Variants in SMIM13 observed in about 807,000 individuals in gnomAD.
SMIM13 encodes the protein small integral membrane protein 13.
SMIM13 carries 3 observed loss-of-function variants against 5.9 expected under a neutral mutation model. The observed-to-expected ratio is 0.51, with a 90% CI of 0.23 to 1.31. The LOEUF is 1.31. SMIM13 is among the 40% of genes most tolerant of loss of function. The pLI is 0.18. For synonymous variants in SMIM13, 55 were observed against 46.0 expected, an observed-to-expected ratio of 1.19 and a Z score of -0.79; for missense variants, 85 against 109.9, an observed-to-expected ratio of 0.77 and a Z score of 1.01.
chr6:11,108,847 G>C (rs1356452599), intron 1 of SMIM13, among the ~76,000 whole-genome samples: 1 of 152,168 alleles, frequency 6.6e-6, no homozygotes, highest in Non-Finnish European at 1.5e-5. Context: ...CCTTCTAGTG[G>C]GTCTGGGTCT....
At chr6:11,099,562 A>G (rs1757966133) in intron 1 of SMIM13, among the ~76,000 whole-genome samples, 1 of 152,246 alleles carries the variant, frequency 6.6e-6, no homozygotes, top group African/African-American at 2.4e-5. Context: ...CTTCACTACT[A>G]TATCCCTGAC....
intron 1 of SMIM13, chr6:11,104,143 T>C: frequency 6.4e-7 from 1 of 1,551,724 alleles, no homozygotes; most frequent in South Asian, 1.2e-5. Context: ...TCAATGTTGT[T>C]GGCTATTTCC....
chr6:11,127,843 GGACACAGCCAAGCCATA>G (rs540046586), intron 1 of SMIM13, among the ~76,000 whole-genome samples: 2 of 152,266 alleles, frequency 1.3e-5, no homozygotes, highest in South Asian at 4.1e-4. Flanking sequence ...ATTTGGGTGG[GGACACAGCCAAGCCATA>G]TCACTCAGTT....
intron 1 of SMIM13, chr6:11,104,144 G>A (rs1340629132): frequency 6.5e-7 from 1 of 1,549,790 alleles, no homozygotes; most frequent in Non-Finnish European, 8.7e-7. Flanking sequence ...CAATGTTGTT[G>A]GCTATTTCCT....
chr6:11,116,818 A>G (rs1205446152), intron 1 of SMIM13, among the ~76,000 whole-genome samples: 1 of 151,816 alleles, frequency 6.6e-6, no homozygotes, highest in Non-Finnish European at 1.5e-5. Context: ...TTGCTTGTCC[A>G]TATTCTGTTT....
At chr6:11,121,311 A>G (rs747001228) in intron 1 of SMIM13, among the ~76,000 whole-genome samples, 10 of 152,196 alleles carry the variant, frequency 6.6e-5, no homozygotes, top group Non-Finnish European at 1.3e-4. Context: ...CCATAGAATA[A>G]GAGTTAAGAA....
At chr6:11,108,690 C>A (rs1402883037) in intron 1 of SMIM13, among the ~76,000 whole-genome samples, 1 of 152,216 alleles carries the variant, frequency 6.6e-6, no homozygotes, top group African/African-American at 2.4e-5. Flanking sequence ...CTTTCCTACT[C>A]CTCCTGGTTT....
At chr6:11,109,460 A>G (rs7744522) in intron 1 of SMIM13, among the ~76,000 whole-genome samples, 115,900 of 152,032 alleles carry the variant, frequency 0.76, 44,767 homozygotes, top group East Asian at 0.89. Flanking sequence ...AGAAGGGGCA[A>G]TGGGGCTTGA....
intron 1 of SMIM13, among the ~76,000 whole-genome samples, chr6:11,094,676 C>A (rs778891259): frequency 6.6e-6 from 1 of 152,188 alleles, no homozygotes; most frequent in Non-Finnish European, 1.5e-5. Context: ...TTCATTCTCA[C>A]CACAGGCTGC....
At chr6:11,128,210 C>A (rs1030799009) in intron 1 of SMIM13, among the ~76,000 whole-genome samples, 21 of 152,234 alleles carry the variant, frequency 1.4e-4, no homozygotes, top group Middle Eastern at 3.4e-3. Flanking sequence ...CTATTTGGGG[C>A]CCAAGGGCTG....
intron 1 of SMIM13, among the ~76,000 whole-genome samples, chr6:11,100,568 A>T (rs927651492): frequency 1.5e-4 from 23 of 152,098 alleles, no homozygotes; most frequent in African/African-American, 4.3e-4. Context: ...TCTGGATCTC[A>T]TGTCATTATC....
Position 11,115,336 on chromosome 6 carries a change from A to G in SMIM13, c.77-19067A>G, listed in dbSNP as rs201837935. Among the ~76,000 whole-genome samples the G allele has an allele frequency of 5.9e-5, 9 of 152,312 alleles. No homozygotes were observed. The East Asian group carries it at 7.7e-4, about 13-fold the overall frequency. ...GTCCTCTGCTCCTAAAGCTGCAGTC[A>G]GGGTGTTGGCCTGGCTGCGTTCCTT... On this transcript the variant is annotated intron_variant, in intron 1 of 1. Transcript: ENST00000416247.
chr6:11,105,037 G>T (rs778432865), intron 1 of SMIM13: 1 of 1,614,200 alleles, frequency 6.2e-7, no homozygotes, highest in Non-Finnish European at 8.5e-7. Flanking sequence ...GTTGAAAGAA[G>T]ACTATTTGCA....
chr6:11,107,779 A>G (rs945296481), intron 1 of SMIM13, among the ~76,000 whole-genome samples: 3 of 152,178 alleles, frequency 2.0e-5, no homozygotes, highest in Admixed American at 2.0e-4. Flanking sequence ...TCTTTTTAAC[A>G]GGTAAGATGG....
chr6:11,138,277 C>T lies in SMIM13; in HGVS notation c.*3675C>T, dbSNP rs1477111076. On this transcript the variant is annotated 3_prime_UTR_variant, in exon 2 of 2. Transcript: ENST00000416247. The stretch of plus-strand genomic sequence containing the variant: ...GTTGTGAAGTCTAGAACTAAAGCAC[C>T]TTGTATTGTCTGCTTCTAAAGTGTC... 1 of 152,164 alleles carries T rather than the reference C, an allele frequency of 6.6e-6. No homozygotes were observed. The highest frequency in any genetic ancestry group is 2.4e-5 in the African/African-American group (1 of 41,462). The allele number at this position is 152,164 out of a possible 1,614,324, so 9.4% of individuals were successfully genotyped here. A position where few individuals can be genotyped will look rare whatever the true frequency, so the allele number is the denominator to read the frequency against.
intron 1 of SMIM13, 95 bp downstream of exon 1, chr6:11,094,484 A>C: frequency 1.0e-6 from 1 of 999,728 alleles, no homozygotes. Flanking sequence ...AAAAAACAAA[A>C]GGGCGTGGAC....
intron 1 of SMIM13, among the ~76,000 whole-genome samples, chr6:11,129,080 G>GT (rs957006152): frequency 9.5e-6 from 1 of 104,788 alleles, no homozygotes. Context: ...ACCGGGAGCG[G>GT]GGGGGGGATG....
At chr6:11,117,332 T>G (rs1758255051) in intron 1 of SMIM13, among the ~76,000 whole-genome samples, 1 of 87,232 alleles carries the variant, frequency 1.1e-5, no homozygotes, top group Admixed American at 1.3e-4. Flanking sequence ...CCCGGCTAAT[T>G]TTTTGTATTT....
chr6:11,099,949 A>G (rs1340183278), intron 1 of SMIM13, among the ~76,000 whole-genome samples: 6 of 152,196 alleles, frequency 3.9e-5, no homozygotes, highest in Non-Finnish European at 8.8e-5. Context: ...AAATAGTGTA[A>G]TATGACCACA....
Sources: allele counts gnomAD v4.1 joint callset (sites outside exome capture counted in the v4.1 genomes callset), GRCh38; gene constraint gnomAD v4.1.1; transcripts MANE v1.5; gene names NCBI Gene and HGNC (gene_info 2026-07-23, HGNC 2026-07-21).